Variants in RGS6 observed in about 807,000 individuals in gnomAD.
RGS6 encodes the protein regulator of G protein signaling 6, also known as regulator of G-protein signaling 6.
A neutral mutation model predicts 78.5 loss-of-function variants in RGS6; 30 were observed. That is an observed-to-expected ratio of 0.38 (90% CI 0.29 to 0.52). The LOEUF (loss-of-function observed/expected upper bound fraction) is 0.52. Ranked by LOEUF, RGS6 falls within the 20% of genes least tolerant of loss-of-function variation. RGS6 has a pLI of 0.85. For synonymous variants in RGS6, 206 were observed against 206.0 expected (o/e 1.00, Z 0.00); for missense variants, 495 against 609.7 (o/e 0.81, Z 1.98).
chr14:72,344,632 G>T (rs1028419260), intron 2 of RGS6, among the ~76,000 whole-genome samples: 1 of 152,176 alleles, frequency 6.6e-6, no homozygotes, highest in African/African-American at 2.4e-5. Context: ...CATTGATGCA[G>T]TCATTCAAGA....
At chr14:72,477,495 A>G (rs1422439965) in intron 11 of RGS6, among the ~76,000 whole-genome samples, 1 of 152,008 alleles carries the variant, frequency 6.6e-6, no homozygotes, top group East Asian at 1.9e-4. Context: ...TATGAAAAAA[A>G]AAAGCTATTT....
chr14:72,371,520 T>C (rs920359297), intron 3 of RGS6, among the ~76,000 whole-genome samples: 4 of 152,138 alleles, frequency 2.6e-5, no homozygotes, highest in African/African-American at 9.7e-5. Flanking sequence ...GCAGCACTTT[T>C]GGAGGCCAAG....
At chr14:72,567,448 A>G (rs2097714807), downstream of RGS6, among the ~76,000 whole-genome samples, 1 of 152,156 alleles carries the variant, frequency 6.6e-6, no homozygotes, top group Non-Finnish European at 1.5e-5. Flanking sequence ...GTTGCTGTGC[A>G]TGCACTCTAC....
chr14:72,455,609 T>C (rs1347616136), intron 4 of RGS6, among the ~76,000 whole-genome samples: 1 of 151,704 alleles, frequency 6.6e-6, no homozygotes, highest in Non-Finnish European at 1.5e-5. Context: ...CCGAGTCTTT[T>C]CACCCCCTTG....
chr14:72,547,430 G>A, intron 17 of RGS6: 2 of 1,021,594 alleles, frequency 2.0e-6, no homozygotes, highest in Non-Finnish European at 2.9e-6. Flanking sequence ...AAACAACAGG[G>A]GATGCTTCCC....
At chr14:71,920,738 A>G in the RGS6 span, among the ~76,000 whole-genome samples, 1 of 152,246 alleles carries the variant, frequency 6.6e-6, no homozygotes, top group Admixed American at 6.5e-5. Context: ...TGTGTATATT[A>G]AATCTAATGG....
intron 15 of RGS6, among the ~76,000 whole-genome samples, chr14:72,523,054 C>T (rs2097070065): frequency 6.6e-6 from 1 of 152,254 alleles, no homozygotes; most frequent in Non-Finnish European, 1.5e-5. Flanking sequence ...CCTTCCTGGA[C>T]AGCACTGGCT....
intron 2 of RGS6, among the ~76,000 whole-genome samples, chr14:72,219,246 C>G (rs564918113): frequency 2.0e-5 from 3 of 152,130 alleles, no homozygotes; most frequent in African/African-American, 7.2e-5. Flanking sequence ...CCATGAATGA[C>G]CACAAATGAT....
At chr14:72,535,599 A>G (rs2097239637) in intron 15 of RGS6, among the ~76,000 whole-genome samples, 1 of 152,158 alleles carries the variant, frequency 6.6e-6, no homozygotes, top group Admixed American at 6.5e-5. Flanking sequence ...ATTTAGTTCT[A>G]TACAACTTTA....
chr14:71,885,451 C>T, the RGS6 span, among the ~76,000 whole-genome samples: 4 of 152,212 alleles, frequency 2.6e-5, no homozygotes, highest in Non-Finnish European at 5.9e-5. Flanking sequence ...TAAAAGTATT[C>T]TTCACTTCAA....
intron 2 of RGS6, among the ~76,000 whole-genome samples, chr14:72,018,354 A>C (rs183652878): frequency 1.4e-4 from 21 of 151,806 alleles, no homozygotes; most frequent in African/African-American, 4.8e-4. Flanking sequence ...CGCCCCTTTG[A>C]TGTGCTTTTA....
At chr14:71,996,355 C>T (rs916366270) in intron 2 of RGS6, among the ~76,000 whole-genome samples, 4 of 152,060 alleles carry the variant, frequency 2.6e-5, no homozygotes, top group African/African-American at 9.7e-5. Flanking sequence ...AGACATGTGG[C>T]ATCAGATCCA....
chr14:72,521,792 G>T (rs1056179824), intron 15 of RGS6, among the ~76,000 whole-genome samples: 6 of 152,128 alleles, frequency 3.9e-5, no homozygotes, highest in Non-Finnish European at 7.4e-5. Flanking sequence ...GTAGAACAGG[G>T]ATACAATGGA....
At chr14:71,966,217 ATTAC>A (rs748786058) in intron 2 of RGS6, among the ~76,000 whole-genome samples, 6 of 152,136 alleles carry the variant, frequency 3.9e-5, no homozygotes, top group Admixed American at 2.6e-4. Context: ...GGCTCTGTGT[ATTAC>A]TTATATGGGC....
intron 2 of RGS6, among the ~76,000 whole-genome samples, chr14:72,278,584 A>C (rs1308674892): frequency 2.0e-5 from 3 of 152,212 alleles, no homozygotes; most frequent in African/African-American, 7.2e-5. Flanking sequence ...GTGTGGGTTT[A>C]TATAGCCACG....
intron 3 of RGS6, among the ~76,000 whole-genome samples, chr14:72,415,731 C>T (rs940427805): frequency 6.6e-6 from 1 of 152,210 alleles, no homozygotes; most frequent in Non-Finnish European, 1.5e-5. Context: ...CAACATTGGC[C>T]ATTAGTGTTA....
intron 2 of RGS6, among the ~76,000 whole-genome samples, chr14:72,310,707 C>T (rs1041621021): frequency 6.6e-6 from 1 of 152,170 alleles, no homozygotes; most frequent in African/African-American, 2.4e-5. Flanking sequence ...TGACTGTCCA[C>T]CTTCACATTT....
intron 3 of RGS6, among the ~76,000 whole-genome samples, chr14:72,373,109 T>C (rs1375760441): frequency 2.0e-5 from 3 of 152,220 alleles, no homozygotes; most frequent in Admixed American, 2.0e-4. Flanking sequence ...GCCCACCCTT[T>C]TCCTGTCTAG....
At chr14:72,572,027 A>G in the RGS6 span, among the ~76,000 whole-genome samples, 3 of 152,232 alleles carry the variant, frequency 2.0e-5, no homozygotes, top group Non-Finnish European at 4.4e-5. Context: ...AGGAAGCTAC[A>G]CAAATAACCA....
Sources: gnomAD v4.1 joint callset for allele counts (sites outside exome capture counted in the v4.1 genomes callset) on GRCh38, gnomAD v4.1.1 for gene constraint, MANE v1.5 for transcripts, NCBI Gene and HGNC (gene_info 2026-07-23, HGNC 2026-07-21) for gene names.